The following CALD1 variants were observed in gnomAD, a reference collection of about 807,000 sequenced individuals.
The protein encoded by CALD1 is caldesmon 1.
CALD1 carries 33 observed loss-of-function variants against 99.9 expected under a neutral mutation model. The ratio of observed to expected loss-of-function variants is 0.33; its 90% CI spans 0.25 to 0.44. The LOEUF is 0.44. Ranked by LOEUF, CALD1 falls within the 20% of genes least tolerant of loss-of-function variation. The pLI, the probability that CALD1 is intolerant of heterozygous loss-of-function variation, is 1.00. For synonymous variants in CALD1, 310 were observed against 325.0 expected (o/e 0.95, Z 0.50); for missense variants, 861 against 962.1 (o/e 0.89, Z 1.39).
intron 1 of CALD1, among the ~76,000 whole-genome samples, chr7:134,812,331 C>T (rs573455621): frequency 1.6e-4 from 25 of 152,076 alleles, no homozygotes; most frequent in Non-Finnish European, 3.4e-4. Flanking sequence ...GAATGTGGTT[C>T]GAGTTCTTGT....
intron 1 of CALD1, among the ~76,000 whole-genome samples, chr7:134,762,991 C>T (rs1481441619): frequency 6.6e-6 from 1 of 152,202 alleles, no homozygotes; most frequent in East Asian, 1.9e-4. Flanking sequence ...GAAATGAGTA[C>T]TTGCTCAATT....
At chr7:134,927,169 G>A (rs536578890) in intron 3 of CALD1, among the ~76,000 whole-genome samples, 12 of 151,898 alleles carry the variant, frequency 7.9e-5, no homozygotes, top group East Asian at 1.9e-4. Flanking sequence ...TAAGTCAAAC[G>A]TGTCAAAATA....
chr7:134,794,213 G>A (rs1340547417), intron 1 of CALD1, among the ~76,000 whole-genome samples: 1 of 152,100 alleles, frequency 6.6e-6, no homozygotes, highest in East Asian at 1.9e-4. Flanking sequence ...CCAGAGACTA[G>A]AACAATCCCT....
At chr7:134,767,875 G>T (rs1796840931) in intron 1 of CALD1, among the ~76,000 whole-genome samples, 1 of 152,260 alleles carries the variant, frequency 6.6e-6, no homozygotes, top group African/African-American at 2.4e-5. Flanking sequence ...ACTAAGCCTT[G>T]CAGGTAACAG....
chr7:134,945,195 T>C (rs1260007494), intron 7 of CALD1, among the ~76,000 whole-genome samples: 1 of 152,206 alleles, frequency 6.6e-6, no homozygotes, highest in Non-Finnish European at 1.5e-5. Context: ...TCAATTTTAG[T>C]TCTTACTTAC....
chr7:134,750,402 G>A (rs1796675799), intron 1 of CALD1, among the ~76,000 whole-genome samples: 1 of 152,142 alleles, frequency 6.6e-6, no homozygotes, highest in Non-Finnish European at 1.5e-5. Flanking sequence ...TAAGTGGCAC[G>A]TTCTGCTTAT....
At chr7:134,824,570 C>T (rs1443168295) in intron 1 of CALD1, among the ~76,000 whole-genome samples, 1 of 152,038 alleles carries the variant, frequency 6.6e-6, no homozygotes, top group South Asian at 2.1e-4. Context: ...ACTCTTCCAC[C>T]TCTATCTGAT....
At chr7:134,821,044 G>A (rs747750122) in intron 1 of CALD1, among the ~76,000 whole-genome samples, 6 of 152,108 alleles carry the variant, frequency 3.9e-5, no homozygotes, top group Admixed American at 6.6e-5. Flanking sequence ...ACGTTTATGC[G>A]TAACTGACTC....
intron 13 of CALD1, chr7:134,961,322 C>T (rs754057209): frequency 1.3e-5 from 2 of 152,086 alleles, no homozygotes; most frequent in Non-Finnish European, 2.9e-5. Flanking sequence ...AATAAGAAAA[C>T]GTATCAAGCT....
At chr7:134,794,096 A>G (rs747216307) in intron 1 of CALD1, among the ~76,000 whole-genome samples, 2 of 152,206 alleles carry the variant, frequency 1.3e-5, no homozygotes, top group Non-Finnish European at 2.9e-5. Context: ...ATCAAGGCAC[A>G]GCTGAGCACA....
At chr7:134,792,286 CTTTTTTTTTTTT>C (rs1228341394) in intron 1 of CALD1, among the ~76,000 whole-genome samples, 3 of 122,784 alleles carry the variant, frequency 2.4e-5, no homozygotes, top group Non-Finnish European at 3.4e-5. Context: ...ATTTCCTCTT[CTTTTTTTTTTTT>C]TTTTTTTTGA....
chr7:134,904,224 A>T (rs1255125370), intron 3 of CALD1, among the ~76,000 whole-genome samples: 1 of 151,978 alleles, frequency 6.6e-6, no homozygotes, highest in Admixed American at 6.6e-5. Flanking sequence ...CACCGTCTCA[A>T]AATAAGTAAA....
chr7:134,843,030 A>T (rs1235530733), intron 1 of CALD1, among the ~76,000 whole-genome samples: 1 of 152,204 alleles, frequency 6.6e-6, no homozygotes, highest in Non-Finnish European at 1.5e-5. Context: ...GCTGTTTGCC[A>T]CTGGCTGCAA....
rs186546321 is a variant in CALD1, at chr7:134,860,688, A to G, written c.-41-7005A>G. 2.6e-5 allele frequency among the ~76,000 whole-genome samples: 4 copies of G among 152,366 alleles called. No individual in the cohort carries two copies. The East Asian group carries it at 7.7e-4, about 29-fold the overall frequency. On this transcript the variant is annotated intron_variant, in intron 2 of 14. Transcript: ENST00000361675. ...AGAACAAAAGCATATGGAAAGTAAA[A>G]TACTAATACAAATATTTAAAGACTA...
intron 11 of CALD1, 83 bp from the exon 12 acceptor site, chr7:134,959,891 A>G: frequency 1.4e-6 from 2 of 1,409,546 alleles, no homozygotes; most frequent in Non-Finnish European, 9.7e-7. Flanking sequence ...TTAAGATGAT[A>G]ATGTTGAGGA....
upstream of CALD1, among the ~76,000 whole-genome samples, chr7:134,776,028 G>C (rs187749798): frequency 1.3e-5 from 2 of 152,216 alleles, no homozygotes; most frequent in Admixed American, 6.5e-5. Flanking sequence ...TCTTCTATTA[G>C]TTCCAATATA....
chr7:134,761,328 A>C (rs375026463), intron 1 of CALD1, among the ~76,000 whole-genome samples: 42 of 152,170 alleles, frequency 2.8e-4, no homozygotes, highest in African/African-American at 9.4e-4. Flanking sequence ...GAATTTCACC[A>C]ATTTCTTTGG....
chr7:134,949,785 T>C (rs964318714), intron 8 of CALD1, among the ~76,000 whole-genome samples: 8 of 152,094 alleles, frequency 5.3e-5, no homozygotes, highest in Admixed American at 2.0e-4. Context: ...TGGGAAATCA[T>C]CATAATGAGT....
intron 1 of CALD1, among the ~76,000 whole-genome samples, chr7:134,797,281 G>A (rs538600594): frequency 5.3e-5 from 8 of 152,248 alleles, no homozygotes; most frequent in South Asian, 2.1e-4. Context: ...CACTGCACCC[G>A]ACCCAGAAAA....
Sources: gnomAD v4.1 joint callset for allele counts (sites outside exome capture counted in the v4.1 genomes callset) on GRCh38, gnomAD v4.1.1 for gene constraint, MANE v1.5 for transcripts, NCBI Gene and HGNC (gene_info 2026-07-23, HGNC 2026-07-21) for gene names.